Variants in ERBB4 observed in about 807,000 individuals in gnomAD.
ERBB4 encodes the protein receptor tyrosine-protein kinase erbB-4.
A neutral mutation model predicts 158.0 loss-of-function variants in ERBB4; 42 were observed. That is an observed-to-expected ratio of 0.27 (90% CI 0.21 to 0.34). ERBB4 has a LOEUF of 0.34. Among genes scored for constraint, ERBB4 ranks in the 10% least tolerant of loss-of-function variants. The pLI is 1.00. For missense variants in ERBB4, 1,333 were observed against 1,624.1 expected, an observed-to-expected ratio of 0.82 and a Z score of 3.08; for synonymous variants, 583 against 558.7, an observed-to-expected ratio of 1.04 and a Z score of -0.61.
chr2:212,031,770 G>A (rs1575540958), intron 2 of ERBB4, among the ~76,000 whole-genome samples: 1 of 152,090 alleles, frequency 6.6e-6, no homozygotes, highest in African/African-American at 2.4e-5. Context: ...TTAGAAAAAT[G>A]ATGGCTGACG....
chr2:211,424,392 C>A, intron 22 of ERBB4, 91 bp from the exon 23 acceptor site: 1 of 841,686 alleles, frequency 1.2e-6, no homozygotes. Context: ...ATACTCCTTA[C>A]AGGTCAATCC....
At chr2:212,169,882 C>T (rs755378825) in intron 1 of ERBB4, among the ~76,000 whole-genome samples, 13 of 152,132 alleles carry the variant, frequency 8.5e-5, no homozygotes, top group Non-Finnish European at 1.6e-4. Context: ...TGTAGGTTTC[C>T]TGAGGCCTCA....
At chr2:211,474,030 T>A (rs148401843) in intron 20 of ERBB4, among the ~76,000 whole-genome samples, 2 of 152,012 alleles carry the variant, frequency 1.3e-5, no homozygotes, top group East Asian at 3.9e-4. Context: ...ATTAAAAGGG[T>A]GCAGCTGGCT....
intron 1 of ERBB4, among the ~76,000 whole-genome samples, chr2:212,509,049 T>C (rs1259977453): frequency 1.3e-5 from 2 of 152,090 alleles, no homozygotes; most frequent in African/African-American, 4.8e-5. Context: ...TGCTGAAATT[T>C]TAGTTCCTTC....
At chr2:212,479,302 C>T (rs948649703) in intron 1 of ERBB4, among the ~76,000 whole-genome samples, 6 of 151,826 alleles carry the variant, frequency 4.0e-5, no homozygotes, top group African/African-American at 1.2e-4. Flanking sequence ...AGAGCTACCT[C>T]TTTCTCTCTC....
intron 20 of ERBB4, among the ~76,000 whole-genome samples, chr2:211,433,777 AT>A (rs977994355): frequency 1.3e-5 from 2 of 151,342 alleles, no homozygotes; most frequent in Admixed American, 6.6e-5. Context: ...CATTTTTCAG[AT>A]TTTTTTTTCT....
At chr2:211,800,666 A>G (rs2076479558) in intron 3 of ERBB4, among the ~76,000 whole-genome samples, 1 of 151,516 alleles carries the variant, frequency 6.6e-6, no homozygotes, top group Admixed American at 6.6e-5. Flanking sequence ...CGTTAAAAAA[A>G]AAAAAAAAAA....
chr2:211,788,151 T>C lies in ERBB4; in HGVS notation c.430A>G (p.Asn144Asp). The C allele has an allele frequency of 1.9e-6, 3 of 1,611,816 alleles. No homozygotes were observed. Among genetic ancestry groups the C allele is most frequent in the Non-Finnish European group, 2.5e-6 (3 of 1,178,304 alleles). Residue 144 changes from asparagine to aspartate, a missense_variant, in exon 4 of 28, where the codon AAT becomes GAT. Around this residue, in one of 5 missense-constraint regions of ERBB4, gnomAD observed 438 missense variants for 586.9 expected, o/e 0.75. Transcript: ENST00000342788. The stretch of plus-strand genomic sequence containing the variant: ...TTCTGGTCTACATAGACTCCACCAT[T>C]TAGGATTTCTGTATTAAAAAACAAA... ...LGLKNLTEIL[N>D]GGVYVDQNKF...
chr2:211,810,662 C>CTTTT lies in ERBB4; in HGVS notation c.422-22507_422-22504dup, dbSNP rs59305629. Among the ~76,000 whole-genome samples, 201 of 101,494 alleles carry CTTTT rather than the reference C, an allele frequency of 2.0e-3. 6 individuals carry two copies. The highest frequency in any genetic ancestry group is 2.2e-3 in the Non-Finnish European group (122 of 55,408). 66.6% of individuals were successfully genotyped at this position (101,494 alleles called of 152,430 possible). On this transcript the variant is annotated intron_variant, in intron 3 of 27. Transcript: ENST00000342788. ...CTTTATCCAATTTGCCAGTCTCTGT[C>CTTTT]TTTTTTTTTTTTTTTTTTTTTGAGA...
At chr2:211,566,862 T>G (rs2067565305) in intron 19 of ERBB4, among the ~76,000 whole-genome samples, 1 of 152,182 alleles carries the variant, frequency 6.6e-6, no homozygotes, top group South Asian at 2.1e-4. Flanking sequence ...TTTGTGTATA[T>G]GAAAGTCACC....
intron 2 of ERBB4, among the ~76,000 whole-genome samples, chr2:212,061,712 T>C (rs1306788378): frequency 6.6e-6 from 1 of 151,374 alleles, no homozygotes; most frequent in Non-Finnish European, 1.5e-5. Flanking sequence ...AGATTGTTTC[T>C]TTCTTTCTTT....
intron 20 of ERBB4, among the ~76,000 whole-genome samples, chr2:211,530,490 A>C (rs1291823563): frequency 1.3e-5 from 2 of 152,158 alleles, no homozygotes; most frequent in East Asian, 1.9e-4. Flanking sequence ...CAGAAATGGA[A>C]GAAACAATCT....
Position 211,713,648 on chromosome 2 carries a change from T to A in ERBB4, c.884A>T (p.His295Leu), listed in dbSNP as rs1419687106. The stretch of plus-strand genomic sequence containing the variant: ...AGAACTGGAATCTACCACAAAGTTA[T>A]CTGATTAAAAAAAAAAAAAAGGTAA... The part of the protein sequence containing the change: ...YGAFCVKKCP[H>L]NFVVDSSSCV... The change falls in exon 8 of 28, where the codon CAT becomes CTT. Residue 295 changes from histidine to leucine, a missense_variant and splice_region_variant. Physicochemically the swap from His to Leu is moderately conservative, Grantham distance 99. This residue lies in a region of ERBB4 where 438 missense variants were observed against 586.9 expected (regional missense o/e 0.75). Coordinates refer to ENST00000342788, the MANE Select transcript of ERBB4 (RefSeq NM_005235.3). 1 of 1,540,516 alleles carries A rather than the reference T, an allele frequency of 6.5e-7. No individual in the cohort carries two copies. The highest frequency in any genetic ancestry group is 8.9e-7 in the Non-Finnish European group (1 of 1,125,378).
intron 3 of ERBB4, among the ~76,000 whole-genome samples, chr2:211,851,499 T>C (rs548015465): frequency 1.3e-5 from 2 of 152,082 alleles, no homozygotes; most frequent in Admixed American, 1.3e-4. Context: ...CCCTCTTCGC[T>C]AAACTAAAAG....
chr2:211,580,871 A>AT (rs2068073826), intron 19 of ERBB4, among the ~76,000 whole-genome samples: 3 of 406 alleles, frequency 7.4e-3, no homozygotes, highest in Admixed American at 0.028. Flanking sequence ...ATATACATAT[A>AT]TATATATATA....
intron 12 of ERBB4, among the ~76,000 whole-genome samples, chr2:211,701,716 A>G (rs986873124): frequency 1.5e-5 from 2 of 137,752 alleles, no homozygotes; most frequent in African/African-American, 5.6e-5. Flanking sequence ...AGATCTCGCC[A>G]CTGCACTCTA....
intron 2 of ERBB4, among the ~76,000 whole-genome samples, chr2:212,063,906 A>G (rs982640102): frequency 1.3e-5 from 2 of 152,166 alleles, no homozygotes; most frequent in African/African-American, 4.8e-5. Context: ...GAGCTATTAA[A>G]GACCACTAAA....
intron 1 of ERBB4, among the ~76,000 whole-genome samples, chr2:212,453,821 A>G (rs1688131733): frequency 6.6e-6 from 1 of 152,170 alleles, no homozygotes; most frequent in South Asian, 2.1e-4. Flanking sequence ...AGTTTTATCA[A>G]CCTGTCAGAC....
At chr2:212,161,562 C>T (rs1158333578) in intron 1 of ERBB4, among the ~76,000 whole-genome samples, 1 of 151,856 alleles carries the variant, frequency 6.6e-6, no homozygotes, top group Admixed American at 6.6e-5. Flanking sequence ...CTTTCTACCT[C>T]AAAGGCTTCA....
Sources: allele counts gnomAD v4.1 joint callset (sites outside exome capture counted in the v4.1 genomes callset), GRCh38; gene constraint gnomAD v4.1.1; regional missense constraint gnomAD v4.1.1; transcripts MANE v1.5; gene names NCBI Gene and HGNC (gene_info 2026-07-23, HGNC 2026-07-21).